Variants in XYLB observed in about 807,000 individuals in gnomAD.
XYLB encodes the protein xylulose kinase.
In XYLB, 62 loss-of-function variants were observed where a neutral mutation model predicts 78.7. That is an observed-to-expected ratio of 0.79 (90% CI 0.64 to 0.97). The LOEUF (loss-of-function observed/expected upper bound fraction) is 0.97, where lower values mean the gene tolerates loss of function less well. XYLB is among the 50% of genes least tolerant of loss of function. The pLI is 0.00. For synonymous variants in XYLB, 245 were observed against 247.4 expected (o/e 0.99, Z 0.09); for missense variants, 687 against 676.8 (o/e 1.02, Z -0.17).
intron 15 of XYLB, among the ~76,000 whole-genome samples, chr3:38,385,832 C>T (rs1202992796): frequency 6.6e-6 from 1 of 152,186 alleles, no homozygotes; most frequent in Non-Finnish European, 1.5e-5. Context: ...TCTCTGGATG[C>T]TCATTGCTAC....
intron 17 of XYLB, among the ~76,000 whole-genome samples, chr3:38,400,463 C>G (rs1054060706): frequency 6.6e-6 from 1 of 152,032 alleles, no homozygotes; most frequent in Non-Finnish European, 1.5e-5. Flanking sequence ...AAGAACATTC[C>G]ATACAGTGAA....
chr3:38,394,503 T>A (rs994983703), intron 15 of XYLB, among the ~76,000 whole-genome samples: 1 of 152,244 alleles, frequency 6.6e-6, no homozygotes, highest in Non-Finnish European at 1.5e-5. Context: ...TCAATACTTA[T>A]ATATTTTAGT....
At chr3:38,429,604 AC>A in the XYLB span, among the ~76,000 whole-genome samples, 910 of 152,278 alleles carry the variant, frequency 6.0e-3, 4 homozygotes, top group African/African-American at 0.021. Flanking sequence ...GTAAATGTGC[AC>A]AACGTGCAGG....
At chr3:38,438,757 T>G in the XYLB span, among the ~76,000 whole-genome samples, 5 of 152,130 alleles carry the variant, frequency 3.3e-5, no homozygotes, top group African/African-American at 1.2e-4. Context: ...CTGGCTGGGG[T>G]GGCCAGCTTT....
intron 2 of XYLB, among the ~76,000 whole-genome samples, chr3:38,349,771 C>G (rs1705259259): frequency 6.6e-6 from 1 of 152,186 alleles, no homozygotes; most frequent in Non-Finnish European, 1.5e-5. Flanking sequence ...GAAGATTGGT[C>G]TCCTCTGGGA....
At chr3:38,397,233 G>A (rs1707911167) in intron 17 of XYLB, 74 bp downstream of exon 17, 2 of 1,369,606 alleles carry the variant, frequency 1.5e-6, no homozygotes, top group Middle Eastern at 1.8e-4. Context: ...GGTGGAAAGG[G>A]GAGAGTGAGG....
the XYLB span, chr3:38,453,022 C>G: frequency 6.6e-6 from 1 of 152,200 alleles, no homozygotes; most frequent in Non-Finnish European, 1.5e-5. Context: ...GGAGCCCCAT[C>G]ACGTTCCTCC....
intron 2 of XYLB, 31 bp downstream of exon 2, chr3:38,348,663 G>C (rs1385720709): frequency 3.1e-6 from 5 of 1,608,522 alleles, no homozygotes; most frequent in Non-Finnish European, 4.3e-6. Flanking sequence ...TGTGTGTGAT[G>C]GGGGTGTTGG....
At chr3:38,361,751 C>T (rs1357866662) in intron 3 of XYLB, among the ~76,000 whole-genome samples, 1 of 152,190 alleles carries the variant, frequency 6.6e-6, no homozygotes, top group African/African-American at 2.4e-5. Flanking sequence ...GCTCTGCCAG[C>T]CCCTGCTCCG....
downstream of XYLB, among the ~76,000 whole-genome samples, chr3:38,423,665 A>G (rs149963163): frequency 1.2e-4 from 19 of 152,364 alleles, no homozygotes; most frequent in Non-Finnish European, 1.8e-4. Context: ...AAACAGTCCA[A>G]TGATTTGTCA....
the XYLB span, among the ~76,000 whole-genome samples, chr3:38,439,878 C>CT: frequency 6.6e-6 from 1 of 152,212 alleles, no homozygotes; most frequent in Admixed American, 6.5e-5. Context: ...CAGTCTTCCC[C>CT]TAAGAAGGTG....
rs772455327 is a variant in XYLB at position 38,413,008 on chromosome 3, G to A, written c.1606G>A (p.Glu536Lys). The A allele has an allele frequency of 3.8e-6, 6 of 1,598,844 alleles. No homozygotes were observed. Among genetic ancestry groups the A allele is most frequent in the Non-Finnish European group, 5.1e-6 (6 of 1,175,498 alleles). ...CTTGTCTCAGACCCGGGGGCCTCCG[G>A]AGTGAACAGGCATCCCTGTTGCCCC... ...RILSQTRGPP[E>K] is the part of the protein sequence containing the mutation. Residue 536 changes from glutamate (E) to lysine (K), a missense_variant, in exon 19 of 19, where the codon GAG (glutamate) becomes AAG (lysine). Coordinates refer to ENST00000207870, the MANE Select transcript of XYLB (RefSeq NM_005108.4).
At chr3:38,448,939 G>A in the XYLB span, among the ~76,000 whole-genome samples, 2 of 152,060 alleles carry the variant, frequency 1.3e-5, no homozygotes, top group African/African-American at 4.8e-5. Context: ...TCCCTCTTGC[G>A]CAGAGGCTCG....
chr3:38,405,371 T>TA (rs1192762406), intron 18 of XYLB, among the ~76,000 whole-genome samples: 8,037 of 94,372 alleles, frequency 0.085, 499 homozygotes, highest in East Asian at 0.16. Context: ...CTCATCTCTT[T>TA]AAAAAAAAAA....
downstream of XYLB, among the ~76,000 whole-genome samples, chr3:38,415,881 A>G (rs1029179613): frequency 6.6e-6 from 1 of 152,224 alleles, no homozygotes; most frequent in African/African-American, 2.4e-5. Flanking sequence ...CAGGAAACCT[A>G]CAATCGTGGC....
At position 38,368,203 on chromosome 3, in the gene XYLB, A is replaced by T; in HGVS notation, c.592A>T (p.Ser198Cys). ...SHTERISLVS[S>C]FAASLFLGSY... ...TTTACAGAGAATTTCTTTGGTCAGT[A>T]GCTTTGCTGCTTCCCTGTTCCTTGG... is the stretch of plus-strand genomic sequence containing the variant. Residue 198 changes from serine to cysteine, a missense_variant, in exon 8 of 19, where the codon AGC becomes TGC. Coordinates refer to ENST00000207870, the MANE Select transcript of XYLB (RefSeq NM_005108.4). 1 of 1,614,102 alleles carries T rather than the reference A, an allele frequency of 6.2e-7. No homozygotes were observed. Among genetic ancestry groups the T allele is most frequent in the South Asian group, 1.1e-5 (1 of 91,074 alleles).
At chr3:38,367,975 G>A (rs1706351202) in intron 7 of XYLB, among the ~76,000 whole-genome samples, 1 of 152,196 alleles carries the variant, frequency 6.6e-6, no homozygotes, top group Non-Finnish European at 1.5e-5. Flanking sequence ...ATCAGAAACT[G>A]TAGAGAATGA....
At chr3:38,391,201 G>A (rs540317670) in intron 15 of XYLB, among the ~76,000 whole-genome samples, 54 of 150,086 alleles carry the variant, frequency 3.6e-4, no homozygotes, top group Non-Finnish European at 6.8e-4. Flanking sequence ...GAGACAGAGC[G>A]AGACTTCATC....
intron 14 of XYLB, 55 bp downstream of exon 14, chr3:38,377,046 T>G (rs1706896953): frequency 1.4e-6 from 2 of 1,441,860 alleles, no homozygotes; most frequent in Admixed American, 3.6e-5. Context: ...AGTGTAAAAT[T>G]TAACAATTGC....
Sources: allele counts gnomAD v4.1 joint callset (sites outside exome capture counted in the v4.1 genomes callset), GRCh38; gene constraint gnomAD v4.1.1; transcripts MANE v1.5; gene names NCBI Gene and HGNC (gene_info 2026-07-23, HGNC 2026-07-21).